Variants in TNRC6B observed in about 807,000 individuals in gnomAD.
TNRC6B encodes the protein trinucleotide repeat containing adaptor 6B.
TNRC6B carries 52 observed loss-of-function variants against 203.6 expected under a neutral mutation model. The observed-to-expected ratio is 0.26, with a 90% CI of 0.20 to 0.32. TNRC6B has a LOEUF of 0.32. TNRC6B is among the 10% of genes least tolerant of loss of function. TNRC6B has a pLI of 1.00. For missense variants in TNRC6B, 1,923 were observed against 2,286.2 expected, an observed-to-expected ratio of 0.84 and a Z score of 3.24; for synonymous variants, 838 against 845.7, an observed-to-expected ratio of 0.99 and a Z score of 0.16.
At chr22:40,219,269 C>T (rs112035180) in intron 1 of TNRC6B, among the ~76,000 whole-genome samples, 7 of 152,082 alleles carry the variant, frequency 4.6e-5, no homozygotes, top group African/African-American at 7.2e-5. Flanking sequence ...CTTTAAAGAA[C>T]GAGTAAGTGC....
intron 1 of TNRC6B, among the ~76,000 whole-genome samples, chr22:40,083,476 G>A (rs1199042899): frequency 6.6e-6 from 1 of 152,092 alleles, no homozygotes; most frequent in Non-Finnish European, 1.5e-5. Context: ...AAAGATAGCA[G>A]GTTCTTAATT....
chr22:40,317,753 T>C (rs1569068160), intron 21 of TNRC6B, among the ~76,000 whole-genome samples: 1 of 152,212 alleles, frequency 6.6e-6, no homozygotes. Flanking sequence ...GCTAGATAAC[T>C]GAGGTATTTG....
intron 15 of TNRC6B, among the ~76,000 whole-genome samples, chr22:40,301,684 A>G (rs1443379824): frequency 6.6e-6 from 1 of 152,216 alleles, no homozygotes; most frequent in Non-Finnish European, 1.5e-5. Flanking sequence ...AGGCTGGGTA[A>G]TACTCCATTG....
At chr22:40,156,000 T>C (rs931462376) in intron 3 of TNRC6B, 10 of 839,746 alleles carry the variant, frequency 1.2e-5, no homozygotes, top group Admixed American at 2.8e-5. Context: ...AGGCTTCTGT[T>C]CTGTGCACCA....
intron 19 of TNRC6B, among the ~76,000 whole-genome samples, chr22:40,314,383 T>A (rs1040598732): frequency 1.3e-5 from 2 of 152,232 alleles, no homozygotes; most frequent in African/African-American, 2.4e-5. Flanking sequence ...TGTTCCATTC[T>A]ATTTACTATC....
chr22:40,317,771 A>G (rs2071278706), intron 21 of TNRC6B, among the ~76,000 whole-genome samples: 1 of 152,244 alleles, frequency 6.6e-6, no homozygotes, highest in Admixed American at 6.5e-5. Flanking sequence ...TTGCAGAAGC[A>G]TTATGTTGAG....
chr22:40,110,535 C>G (rs142155594), intron 1 of TNRC6B, among the ~76,000 whole-genome samples: 3 of 152,182 alleles, frequency 2.0e-5, no homozygotes, highest in Non-Finnish European at 2.9e-5. Flanking sequence ...CTTTCTCAAG[C>G]CTTTTCTGTT....
chr22:40,320,642 T>C (rs2071322986), intron 21 of TNRC6B, among the ~76,000 whole-genome samples: 1 of 152,226 alleles, frequency 6.6e-6, no homozygotes, highest in African/African-American at 2.4e-5. Flanking sequence ...TCAAAATGCC[T>C]GATGTCAGCA....
chr22:40,224,165 C>T (rs545916809), intron 1 of TNRC6B, among the ~76,000 whole-genome samples: 10 of 152,076 alleles, frequency 6.6e-5, no homozygotes, highest in Admixed American at 1.3e-4. Context: ...CCACCATGCC[C>T]GGCTAATTTT....
chr22:40,217,121 T>C (rs1350450411), intron 1 of TNRC6B, among the ~76,000 whole-genome samples: 1 of 152,196 alleles, frequency 6.6e-6, no homozygotes, highest in East Asian at 1.9e-4. Flanking sequence ...ATTTCCATAC[T>C]CTGAAAATTC....
At chr22:40,289,074 C>T (rs1431431853) in intron 12 of TNRC6B, among the ~76,000 whole-genome samples, 1 of 152,094 alleles carries the variant, frequency 6.6e-6, no homozygotes, top group Non-Finnish European at 1.5e-5. Context: ...CTTGACCTCC[C>T]AAAGTGCTGG....
At chr22:40,050,833 T>C (rs1323828261) in intron 1 of TNRC6B, among the ~76,000 whole-genome samples, 1 of 151,822 alleles carries the variant, frequency 6.6e-6, no homozygotes, top group Non-Finnish European at 1.5e-5. Context: ...TTTGGGTTTT[T>C]TTTTTTTTTG....
Position 40,264,961 on chromosome 22 carries a change from A to G in TNRC6B, c.731A>G (p.Gln244Arg). The G allele has an allele frequency of 6.2e-7, 1 of 1,614,032 alleles. No homozygotes were observed. The highest frequency in any genetic ancestry group is 1.1e-5 in the South Asian group (1 of 91,076). The change falls in exon 5 of 23, where the codon CAG becomes CGG. Residue 244 changes from glutamine (Q) to arginine (R), a missense_variant. Coordinates refer to ENST00000454349, the MANE Select transcript of TNRC6B (RefSeq NM_001162501.2). ...STTSNKGKGS[Q>R]CQSASSGNEC... ...ACTAGTAACAAAGGAAAAGGGAGCC[A>G]GTGCCAGTCTGCAAGTTCTGGGAAC... is the stretch of plus-strand genomic sequence containing the variant.
intron 1 of TNRC6B, among the ~76,000 whole-genome samples, chr22:40,237,185 G>A (rs2069959802): frequency 6.6e-6 from 1 of 152,070 alleles, no homozygotes; most frequent in South Asian, 2.1e-4. Flanking sequence ...CTCTAACCTG[G>A]ATTATCACAA....
chr22:40,142,535 A>G (rs1321956548), intron 3 of TNRC6B, among the ~76,000 whole-genome samples: 2 of 152,256 alleles, frequency 1.3e-5, no homozygotes, highest in East Asian at 1.9e-4. Flanking sequence ...TGTTCCGTGT[A>G]GCAGAAAGGA....
chr22:40,148,622 A>G lies in TNRC6B; in HGVS notation c.46-7493A>G, dbSNP rs564456185. On this transcript the variant is annotated intron_variant, in intron 3 of 23. Transcript: ENST00000301923. ...TAAAAAGTTAAAACATGTAACTACC[A>G]TGTGATCCAACTGTTCTACTCTGTT... is the stretch of plus-strand genomic sequence containing the variant. Among the ~76,000 whole-genome samples, 4 of 97,682 alleles carry G rather than the reference A, an allele frequency of 4.1e-5. No homozygotes were observed. The South Asian group carries it at 1.3e-3, about 32-fold the overall frequency. 64.1% of individuals were successfully genotyped at this position (97,682 alleles called of 152,430 possible).
intron 6 of TNRC6B, among the ~76,000 whole-genome samples, chr22:40,270,572 C>T (rs939565153): frequency 6.6e-6 from 1 of 152,066 alleles, no homozygotes; most frequent in African/African-American, 2.4e-5. Flanking sequence ...CCCGCCTTGG[C>T]CTCCCAAAGT....
intron 1 of TNRC6B, among the ~76,000 whole-genome samples, chr22:40,225,221 G>A (rs1354838400): frequency 1.3e-5 from 2 of 152,176 alleles, no homozygotes; most frequent in Admixed American, 6.5e-5. Flanking sequence ...TATTGCAGTT[G>A]ACCATGCTTG....
intron 3 of TNRC6B, among the ~76,000 whole-genome samples, chr22:40,150,821 G>C (rs538661357): frequency 2.0e-4 from 30 of 152,220 alleles, no homozygotes; most frequent in African/African-American, 6.3e-4. Flanking sequence ...CCCAAGGAGG[G>C]GGAAATAGAT....
Sources: allele counts gnomAD v4.1 joint callset (sites outside exome capture counted in the v4.1 genomes callset), GRCh38; gene constraint gnomAD v4.1.1; transcripts MANE v1.5; gene names NCBI Gene and HGNC (gene_info 2026-07-23, HGNC 2026-07-21).